SPIDR: variants seen among roughly 807,000 people sequenced by gnomAD.
The protein encoded by SPIDR is DNA repair-scaffolding protein.
Under a neutral mutation model 104.6 loss-of-function variants are expected in SPIDR, and 93 were observed. That is an observed-to-expected ratio of 0.89 (90% CI 0.75 to 1.06). SPIDR has a LOEUF of 1.06. Ranked by LOEUF, SPIDR falls within the 50% of genes least tolerant of loss-of-function variation. The pLI, the probability that SPIDR is intolerant of heterozygous loss-of-function variation, is 0.00. For synonymous variants in SPIDR, 431 were observed against 416.9 expected (o/e 1.03, Z -0.41); for missense variants, 1,154 against 1,111.2 (o/e 1.04, Z -0.55).
At chr8:47,503,528 G>T (rs2080920929) in intron 8 of SPIDR, among the ~76,000 whole-genome samples, 1 of 151,384 alleles carries the variant, frequency 6.6e-6, no homozygotes, top group Non-Finnish European at 1.5e-5. Flanking sequence ...GCCTATGTGT[G>T]TCTCTGCACG....
chr8:47,707,108 G>T (rs1454460396), intron 14 of SPIDR, among the ~76,000 whole-genome samples: 3 of 152,048 alleles, frequency 2.0e-5, no homozygotes, highest in African/African-American at 7.2e-5. Context: ...CAAAAAATTA[G>T]CTGGGTATGG....
At chr8:47,671,936 G>C (rs1373453161) in intron 10 of SPIDR, among the ~76,000 whole-genome samples, 1 of 152,006 alleles carries the variant, frequency 6.6e-6, no homozygotes, top group Non-Finnish European at 1.5e-5. Context: ...TGTCTTGCTT[G>C]GTATTTGTTT....
At chr8:47,695,018 C>G (rs1326836513) in intron 11 of SPIDR, among the ~76,000 whole-genome samples, 1 of 152,066 alleles carries the variant, frequency 6.6e-6, no homozygotes, top group Non-Finnish European at 1.5e-5. Flanking sequence ...TTTTGCAGGT[C>G]TCTTCACTGG....
intron 10 of SPIDR, among the ~76,000 whole-genome samples, chr8:47,629,366 T>C (rs552327120): frequency 6.6e-6 from 1 of 152,340 alleles, no homozygotes; most frequent in East Asian, 1.9e-4. Flanking sequence ...TGGCGGGCCA[T>C]ACCACAGTCT....
intron 7 of SPIDR, among the ~76,000 whole-genome samples, chr8:47,437,593 C>T (rs1249824629): frequency 4.6e-5 from 7 of 152,076 alleles, no homozygotes; most frequent in Admixed American, 1.3e-4. Context: ...TGAACAGACA[C>T]TTCTCAAAAG....
intron 5 of SPIDR, among the ~76,000 whole-genome samples, chr8:47,315,567 A>G (rs1459623311): frequency 2.0e-5 from 3 of 152,186 alleles, no homozygotes; most frequent in Non-Finnish European, 4.4e-5. Context: ...GAAGATAGAA[A>G]GGACCTATGT....
chr8:47,443,841 A>G (rs2069987627), intron 8 of SPIDR, among the ~76,000 whole-genome samples: 1 of 151,908 alleles, frequency 6.6e-6, no homozygotes, highest in Middle Eastern at 3.2e-3. Context: ...GTTTAGGTAC[A>G]ATGGCTGCTT....
chr8:47,598,051 T>C (rs758220979), intron 9 of SPIDR, among the ~76,000 whole-genome samples: 14 of 152,348 alleles, frequency 9.2e-5, no homozygotes, highest in African/African-American at 1.7e-4. Flanking sequence ...GAGAGGATTA[T>C]GCAAAAAGGA....
chr8:47,442,052 A>G (rs782085213), intron 8 of SPIDR, among the ~76,000 whole-genome samples: 7 of 152,190 alleles, frequency 4.6e-5, no homozygotes, highest in Non-Finnish European at 1.0e-4. Context: ...TGGTGTTTTA[A>G]TAACTGCTAG....
chr8:47,555,133 C>G (rs1162807620), intron 8 of SPIDR, among the ~76,000 whole-genome samples: 2 of 152,072 alleles, frequency 1.3e-5, no homozygotes, highest in Non-Finnish European at 2.9e-5. Flanking sequence ...AGCCTTCCTC[C>G]CACTCTGTAC....
intron 7 of SPIDR, among the ~76,000 whole-genome samples, chr8:47,417,519 A>G (rs1358757921): frequency 6.6e-6 from 1 of 152,156 alleles, no homozygotes; most frequent in Non-Finnish European, 1.5e-5. Flanking sequence ...GATTCTGGAT[A>G]TTAGCCCTTT....
chr8:47,701,672 G>T, intron 12 of SPIDR, 49 bp from the exon 13 acceptor site: 2 of 1,561,612 alleles, frequency 1.3e-6, no homozygotes, highest in Admixed American at 1.9e-5. Flanking sequence ...TCCTCTTTTT[G>T]AGTCTTTTAA....
At chr8:47,463,779 T>C (rs561340570) in intron 8 of SPIDR, among the ~76,000 whole-genome samples, 33 of 152,322 alleles carry the variant, frequency 2.2e-4, no homozygotes, top group African/African-American at 7.5e-4. Flanking sequence ...ATTGTTTTAA[T>C]TGATGCAGGA....
rs181016961 is a variant in SPIDR, at chr8:47,679,580, G to A, written c.1685+5639G>A. Reference sequence around the variant, plus strand: ...CAGTGCTGGCCTGTGCCATGTGCCCGCCTGCCTCCATCCCCTCCAGTGCTG... The same window carrying A: ...CAGTGCTGGCCTGTGCCATGTGCCCACCTGCCTCCATCCCCTCCAGTGCTG... On this transcript the variant is annotated intron_variant, in intron 11 of 19. Coordinates refer to ENST00000297423, the MANE Select transcript of SPIDR (RefSeq NM_001080394.4). 7.5e-4 allele frequency among the ~76,000 whole-genome samples: 99 copies of A among 131,824 alleles called. 2 individuals carry two copies. In the East Asian group the frequency reaches 0.021, roughly 28 times the overall value. The allele number at this position is 131,824 out of a possible 152,430, so 86.5% of individuals were successfully genotyped here.
chr8:47,612,136 G>A (rs2063689049), intron 10 of SPIDR, among the ~76,000 whole-genome samples: 1 of 152,246 alleles, frequency 6.6e-6, no homozygotes, highest in Non-Finnish European at 1.5e-5. Context: ...TATGGAGTGG[G>A]AAGAAGAGTG....
intron 5 of SPIDR, among the ~76,000 whole-genome samples, chr8:47,321,796 C>A (rs938717302): frequency 1.3e-5 from 2 of 152,126 alleles, no homozygotes; most frequent in Non-Finnish European, 2.9e-5. Context: ...TGCCACATAT[C>A]TACAACCATC....
intron 8 of SPIDR, among the ~76,000 whole-genome samples, chr8:47,549,130 A>G (rs752546472): frequency 2.6e-5 from 4 of 152,220 alleles, no homozygotes; most frequent in Admixed American, 2.0e-4. Flanking sequence ...ATAGTATTCC[A>G]TGGTGTATAT....
At chr8:47,713,254 C>T (rs2082121699) in intron 15 of SPIDR, 1 of 615,086 alleles carries the variant, frequency 1.6e-6, no homozygotes, top group Admixed American at 3.1e-5. Flanking sequence ...AGTCATAATT[C>T]ACATGCCACA....
At chr8:47,644,019 A>G (rs1261490453) in intron 10 of SPIDR, among the ~76,000 whole-genome samples, 1 of 152,134 alleles carries the variant, frequency 6.6e-6, no homozygotes, top group Non-Finnish European at 1.5e-5. Flanking sequence ...TGATGTTTAC[A>G]TTTCTGGAAC....
Sources: gnomAD v4.1 joint callset for allele counts (sites outside exome capture counted in the v4.1 genomes callset) on GRCh38, gnomAD v4.1.1 for gene constraint, MANE v1.5 for transcripts, NCBI Gene and HGNC (gene_info 2026-07-23, HGNC 2026-07-21) for gene names.